LIPI: variants seen among roughly 807,000 people sequenced by gnomAD.
LIPI encodes lipase I, also known as lipase member I.
In LIPI, 59 loss-of-function variants were observed where a neutral mutation model predicts 50.6. The ratio of observed to expected loss-of-function variants is 1.16; its 90% CI spans 0.94 to 1.45. The LOEUF (loss-of-function observed/expected upper bound fraction) is 1.45, where lower values mean the gene tolerates loss of function less well. Ranked by LOEUF, LIPI falls within the 40% of genes most tolerant of loss-of-function variation. The pLI, the probability that LIPI is intolerant of heterozygous loss-of-function variation, is 0.00. For synonymous variants in LIPI, 203 were observed against 178.2 expected (o/e 1.14, Z -1.11); for missense variants, 586 against 536.3 (o/e 1.09, Z -0.92).
intron 7 of LIPI, among the ~76,000 whole-genome samples, chr21:14,160,675 C>T (rs2018431021): frequency 6.6e-6 from 1 of 151,322 alleles, no homozygotes; most frequent in African/African-American, 2.4e-5. Context: ...CACTTTTTCT[C>T]TGCCCATGCT....
At chr21:14,132,368 A>G (rs865956872) in intron 9 of LIPI, among the ~76,000 whole-genome samples, 6 of 152,188 alleles carry the variant, frequency 3.9e-5, no homozygotes, top group African/African-American at 9.7e-5. Flanking sequence ...CAGACTTTTT[A>G]GCAGAAACCT....
At chr21:14,186,129 C>T in intron 2 of LIPI, 60 bp from the exon 3 acceptor site, 1 of 916,446 alleles carries the variant, frequency 1.1e-6, no homozygotes, top group Non-Finnish European at 1.8e-6. Flanking sequence ...CAAATCATGC[C>T]CCCCTCATAT....
intron 7 of LIPI, among the ~76,000 whole-genome samples, chr21:14,160,473 G>A (rs1041116197): frequency 6.0e-5 from 9 of 150,322 alleles, no homozygotes; most frequent in Non-Finnish European, 1.2e-4. Context: ...AACAAATGAT[G>A]CTGGAGCTAT....
chr21:14,132,428 C>A (rs551168391), intron 9 of LIPI, among the ~76,000 whole-genome samples: 6 of 152,258 alleles, frequency 3.9e-5, no homozygotes, highest in East Asian at 1.9e-4. Flanking sequence ...TGAAAACACA[C>A]ACACACAAAA....
At chr21:14,131,117 A>G (rs927733356) in intron 9 of LIPI, among the ~76,000 whole-genome samples, 1 of 151,910 alleles carries the variant, frequency 6.6e-6, no homozygotes, top group African/African-American at 2.4e-5. Context: ...CACCCGGCTA[A>G]TTTTTTGTAT....
intron 1 of LIPI, among the ~76,000 whole-genome samples, chr21:14,192,464 AAAAC>A (rs1435272122): frequency 6.6e-6 from 1 of 152,218 alleles, no homozygotes; most frequent in Non-Finnish European, 1.5e-5. Flanking sequence ...ACTCTGTCTC[AAAAC>A]AAACAAAGAA....
intron 9 of LIPI, among the ~76,000 whole-genome samples, chr21:14,131,091 C>T (rs1398648172): frequency 3.3e-5 from 5 of 152,162 alleles, no homozygotes; most frequent in Non-Finnish European, 7.4e-5. Context: ...GCTGGGACTA[C>T]AGGCGCCTGC....
chr21:14,209,083 A>T (rs1472855710), intron 1 of LIPI, among the ~76,000 whole-genome samples: 1 of 152,194 alleles, frequency 6.6e-6, no homozygotes, highest in African/African-American at 2.4e-5. Context: ...CTTGCAATAT[A>T]ATAACAGCAA....
intron 7 of LIPI, among the ~76,000 whole-genome samples, chr21:14,161,880 T>G (rs1407023778): frequency 2.5e-5 from 3 of 119,646 alleles, no homozygotes; most frequent in Non-Finnish European, 3.5e-5. Flanking sequence ...ATATAACATA[T>G]ATTATATTAA....
At chr21:14,120,766 C>T (rs376362307) in intron 9 of LIPI, among the ~76,000 whole-genome samples, 3 of 152,150 alleles carry the variant, frequency 2.0e-5, no homozygotes, top group Non-Finnish European at 2.9e-5. Context: ...GATGGGGAGG[C>T]GTGCCATTCC....
intron 1 of LIPI, among the ~76,000 whole-genome samples, chr21:14,202,370 G>C (rs1055261985): frequency 1.3e-5 from 2 of 152,060 alleles, no homozygotes; most frequent in Non-Finnish European, 2.9e-5. Flanking sequence ...AGCCCACATT[G>C]CCAAGTCAAT....
intron 9 of LIPI, among the ~76,000 whole-genome samples, chr21:14,115,137 G>C (rs1303184404): frequency 6.6e-6 from 1 of 152,032 alleles, no homozygotes; most frequent in Non-Finnish European, 1.5e-5. Flanking sequence ...CTAAGTTAGA[G>C]AAGAATACTA....
intron 9 of LIPI, among the ~76,000 whole-genome samples, chr21:14,124,099 A>G (rs1477146788): frequency 6.6e-6 from 1 of 152,034 alleles, no homozygotes; most frequent in African/African-American, 2.4e-5. Flanking sequence ...TAATTGGAGG[A>G]TGTCTAATAC....
chr21:14,148,354 T>C (rs1448858709), intron 8 of LIPI, among the ~76,000 whole-genome samples: 1 of 152,186 alleles, frequency 6.6e-6, no homozygotes, highest in Non-Finnish European at 1.5e-5. Flanking sequence ...TAAAAGATCA[T>C]TTAAAATTCT....
At position 14,110,068 on chromosome 21, in the gene LIPI, C is replaced by T. The variant is rs1035179069; in HGVS notation, c.1296-988G>A. Among the ~76,000 whole-genome samples, 20 of 151,462 alleles carry T rather than the reference C, an allele frequency of 1.3e-4. No homozygotes were observed. In the South Asian group the frequency reaches 2.3e-3, roughly 17 times the overall value. On this transcript the variant is annotated intron_variant, in intron 9 of 9. Coordinates refer to ENST00000681601, the MANE Select transcript of LIPI (RefSeq NM_001302998.2). ...TACTTCTAATGCTTTGCTTACCACA[C>T]ATTACCAAAAATGAACACATTACAT...
chr21:14,123,043 C>T (rs2016922326), intron 9 of LIPI, among the ~76,000 whole-genome samples: 2 of 152,142 alleles, frequency 1.3e-5, no homozygotes, highest in African/African-American at 2.4e-5. Flanking sequence ...TATGAAAGTA[C>T]CAGTATAAGT....
chr21:14,154,098 C>A (rs1394558674), intron 7 of LIPI, among the ~76,000 whole-genome samples: 3 of 151,464 alleles, frequency 2.0e-5, no homozygotes, highest in African/African-American at 7.3e-5. Context: ...TGAAGTAGCA[C>A]AAATAGGTTT....
chr21:14,171,485 C>G (rs987136591), intron 4 of LIPI, among the ~76,000 whole-genome samples: 1 of 150,846 alleles, frequency 6.6e-6, no homozygotes, highest in African/African-American at 2.4e-5. Context: ...GCTACAGTAA[C>G]CAAAACAGCA....
At chr21:14,189,514 AG>A in intron 1 of LIPI, 95 bp from the exon 2 acceptor site, 1 of 1,129,828 alleles carries the variant, frequency 8.9e-7, no homozygotes, top group Non-Finnish European at 1.3e-6. Flanking sequence ...GAGGGTAGGG[AG>A]GATTTCATTT....
Sources: gnomAD v4.1 joint callset for allele counts (sites outside exome capture counted in the v4.1 genomes callset) on GRCh38, gnomAD v4.1.1 for gene constraint, MANE v1.5 for transcripts, NCBI Gene and HGNC (gene_info 2026-07-23, HGNC 2026-07-21) for gene names.